CDHR5: variants seen among roughly 807,000 people sequenced by gnomAD.
CDHR5 encodes the protein cadherin-related family member 5.
A neutral mutation model predicts 69.5 loss-of-function variants in CDHR5; 82 were observed. The observed-to-expected ratio is 1.18, with a 90% confidence interval of 0.99 to 1.42. The LOEUF is 1.42. Among genes scored for constraint, CDHR5 ranks in the 40% most tolerant of loss-of-function variants. The probability of loss-of-function intolerance (pLI) is 0.00; values close to 1 mark genes in which losing one functional copy is unlikely to be tolerated. For synonymous variants in CDHR5, 601 were observed against 510.2 expected, an observed-to-expected ratio of 1.18 and a Z score of -2.40; for missense variants, 1,293 against 1,168.9, an observed-to-expected ratio of 1.11 and a Z score of -1.55.
In CDHR5 at chr11:619,564, A is replaced by T; in HGVS notation, c.1203T>A (p.Tyr401Ter). Reference sequence around the variant, plus strand: ...GGAAGTGTGAGTGGTTGGTAATTCGATATGTGATGGCCGAGTTGAGGTCCT... The same window carrying T: ...GGAAGTGTGAGTGGTTGGTAATTCGTTATGTGATGGCCGAGTTGAGGTCCT... ...EFSDLNSAIT[Y>*]RITNHSHFRM... Residue 401 changes from tyrosine to a stop codon, truncating the protein, a stop_gained, in exon 11 of 15, where the codon TAT (tyrosine) becomes TAA (stop). Coordinates refer to ENST00000397542, the MANE Select transcript of CDHR5 (RefSeq NM_021924.5). LOFTEE classifies it high-confidence loss of function. 6.2e-7 allele frequency: 1 copy of T among 1,613,800 alleles called. No individual in the cohort carries two copies. The highest frequency in any genetic ancestry group is 8.5e-7 in the Non-Finnish European group (1 of 1,179,868).
chr11:621,237 TCCC>T lies in CDHR5; in HGVS notation c.629_631del (p.Gly210del). 6.3e-7 allele frequency: 1 copy of T among 1,594,086 alleles called. No individual in the cohort carries two copies. Among genetic ancestry groups the T allele is most frequent in the Non-Finnish European group, 8.6e-7 (1 of 1,167,976 alleles). ...GGCAGTGTGGCTGGGTTCCACATTCTCCCCCGGAGTGTCCTGCAACAGACGGCT... is the reference window on the plus strand; with the variant it reads ...GGCAGTGTGGCTGGGTTCCACATTCTCCGGAGTGTCCTGCAACAGACGGCT... On this transcript the variant is annotated inframe_deletion, in exon 7 of 15. Transcript: ENST00000397542. This position sits in a 1 kb window ranked among gnomAD's most constrained non-coding sequence, Gnocchi z 4.4.
intron 9 of CDHR5, 73 bp downstream of exon 9, chr11:619,994 C>A (rs543539928): frequency 8.0e-7 from 1 of 1,256,434 alleles, no homozygotes; most frequent in African/African-American, 1.5e-5. Flanking sequence ...CCCCGGCCCC[C>A]CAGCCCTGAC....
In CDHR5 at chr11:618,074, C is replaced by G. The variant is rs371539735; in HGVS notation, c.1998G>C (p.Val666=). ...GCACCCCGCCCAGGGCCGCCATATC[C>G]ACCACCGAGAAGCGCTTGTCCTCCG... ...GPSEDKRFSV[V]DMAALGGVLG... The change falls in exon 14 of 15, where the codon GTG becomes GTC. Residue 666 remains valine, a synonymous_variant. Transcript: ENST00000397542. The G allele has an allele frequency of 4.3e-5, 70 of 1,610,078 alleles. No individual in the cohort carries two copies. The highest frequency in any genetic ancestry group is 5.2e-5 in the Non-Finnish European group (61 of 1,178,772).
At chr11:622,095 C>A in intron 3 of CDHR5, among the ~76,000 whole-genome samples, 191 bp from the exon 4 acceptor site, 1 of 151,150 alleles carries the variant, frequency 6.6e-6, no homozygotes, top group Non-Finnish European at 1.5e-5. Flanking sequence ...AACGGCCACC[C>A]GTCCCCGCCG....
Position 619,683 on chromosome 11 carries a change from A to T in CDHR5, c.1177T>A (p.Ser393Thr), listed in dbSNP as rs1857240769. The change falls in exon 10 of 15, where the codon TCG becomes ACG. Residue 393 changes from serine (S) to threonine (T), a missense_variant and splice_region_variant. Coordinates refer to ENST00000397542, the MANE Select transcript of CDHR5 (RefSeq NM_021924.5). ...GAGGCCTTGGATGCACTCTCTACCG[A>T]GAACTCCGGGTCCTGAGCCTGGATC... ...LRIQAQDPEF[S>T]DLNSAITYRI... The T allele has an allele frequency of 1.2e-6, 2 of 1,613,252 alleles. No individual in the cohort carries two copies. The highest frequency in any genetic ancestry group is 4.5e-5 in the East Asian group (2 of 44,870).
rs1857179261 is a variant in CDHR5 at position 619,002 on chromosome 11, C to T, written c.1557G>A (p.Gly519=). 1.9e-6 allele frequency: 3 copies of T among 1,613,244 alleles called. No individual in the cohort carries two copies. Among genetic ancestry groups the T allele is most frequent in the Admixed American group, 1.7e-5 (1 of 59,946 alleles). Residue 519 remains glycine, a synonymous_variant, in exon 13 of 15, where the codon GGG becomes GGA. Transcript: ENST00000397542. ...TGCTGTTTTCTGCACCCGGGGGCCC[C>T]CCGGGTGTGGACGAGGTTGGTGGCC... ...TLRPPTSSTP[G]GPPGAENSTS...
rs1857188663 is a variant in CDHR5, at chr11:619,098, G to A, written c.1461C>T (p.Pro487=). 6.2e-7 allele frequency: 1 copy of A among 1,608,250 alleles called. No individual in the cohort carries two copies. Among genetic ancestry groups the A allele is most frequent in the South Asian group, 1.1e-5 (1 of 90,922 alleles). The change falls in exon 13 of 15, where the codon CCC becomes CCT. Residue 487 remains proline, a synonymous_variant. Transcript: ENST00000397542. ...TTSEVPRPPE[P]SQGPSTTSSG... is the part of the protein sequence containing the mutation. ...AGCTGGTCGTGGAGGGTCCCTGGGA[G>A]GGCTCAGGGGGTCTGGGGACCTCGG... is the stretch of plus-strand genomic sequence containing the variant.
At chr11:622,421 CTG>C (rs1283883773) in intron 3 of CDHR5, among the ~76,000 whole-genome samples, 2 of 146,678 alleles carry the variant, frequency 1.4e-5, no homozygotes, top group Admixed American at 6.8e-5. Context: ...TTTCTTTTCT[CTG>C]TTTTTTTTTT....
At chr11:620,728 G>T (rs1175974388) in intron 7 of CDHR5, among the ~76,000 whole-genome samples, 1 of 152,168 alleles carries the variant, frequency 6.6e-6, no homozygotes, top group Non-Finnish European at 1.5e-5. Flanking sequence ...AGGTGCCTTG[G>T]TGCCAGGAAG....
chr11:623,080 G>A (rs953463382), intron 3 of CDHR5, among the ~76,000 whole-genome samples: 32 of 152,034 alleles, frequency 2.1e-4, no homozygotes, highest in East Asian at 9.8e-4. Context: ...AGGCCGAGGC[G>A]GGCAGATCAC....
chr11:619,337 T>C lies in CDHR5; in HGVS notation c.1347A>G (p.Ile449Met). The change falls in exon 12 of 15, where the codon ATA becomes ATG. Residue 449 changes from isoleucine to methionine, a missense_variant. By Grantham distance (10) the Ile-to-Met change is conservative. Transcript: ENST00000397542. ...TSGTATTVIEIQVSEQEPPST... is the reference protein window; with the variant it reads ...TSGTATTVIEMQVSEQEPPST... ...AGGGGGGCTCCTGTTCGGAAACTTG[T>C]ATCTCAATGACTGTGGTTGCGGTGC... is the stretch of plus-strand genomic sequence containing the variant. 2 of 1,613,430 alleles carry C rather than the reference T, an allele frequency of 1.2e-6. No individual in the cohort carries two copies. Among genetic ancestry groups the C allele is most frequent in the Non-Finnish European group, 1.7e-6 (2 of 1,179,678 alleles).
chr11:618,398 A>G lies in CDHR5; in HGVS notation c.1960+201T>C, dbSNP rs74045072. ...GGAATCGTGGGATTCGCTGGACCCC[A>G]CATCTGGCCTCTGTCCTACACACAT... On this transcript the variant is annotated intron_variant, in intron 13 of 14. Transcript: ENST00000397542. Among the ~76,000 whole-genome samples, 381 of 152,272 alleles carry G rather than the reference A, an allele frequency of 2.5e-3. 4 individuals carry two copies. The highest frequency in any genetic ancestry group is 8.5e-3 in the African/African-American group (353 of 41,554).
At position 619,837 on chromosome 11, in the gene CDHR5, G is replaced by T; in HGVS notation, c.1023C>A (p.Thr341=). The T allele has an allele frequency of 6.4e-7, 1 of 1,566,738 alleles. No individual in the cohort carries two copies. Among genetic ancestry groups the T allele is most frequent in the East Asian group, 2.4e-5 (1 of 42,466 alleles). Residue 341 remains threonine (T), a synonymous_variant, in exon 10 of 15, where the codon ACC becomes ACA. Transcript: ENST00000397542. The stretch of plus-strand genomic sequence containing the variant: ...TCCCGGCCGCAGCCACAGCCTCCAC[G>T]GTGACCTGGGTCACTGAGTAGCGGG... ...DLARYSVTQV[T]VEAVAAAGSP...
rs189733682 is a variant in CDHR5, at chr11:620,942, A to G, written c.789+138T>C. On this transcript the variant is annotated intron_variant, in intron 7 of 14. Transcript: ENST00000397542. The stretch of plus-strand genomic sequence containing the variant: ...GGGTTGGTTTACAAGGAGAGTCTGC[A>G]TTTGTTTCAAAATCACGACCGAAAT... 2.2e-3 allele frequency: 1,392 copies of G among 622,122 alleles called. 22 individuals are homozygous for G. In the African/African-American group the frequency reaches 0.023, roughly 10 times the overall value. 38.5% of individuals were successfully genotyped at this position (622,122 alleles called of 1,614,324 possible).
At chr11:619,248 G>A (rs1589936157) in intron 12 of CDHR5, 58 bp downstream of exon 12, 2 of 1,484,484 alleles carry the variant, frequency 1.3e-6, no homozygotes, top group Admixed American at 1.8e-5. Context: ...CGGGAAAGGA[G>A]CCACCGAAGG....
intron 3 of CDHR5, among the ~76,000 whole-genome samples, chr11:622,951 G>C (rs1857506503): frequency 6.6e-6 from 1 of 152,034 alleles, no homozygotes; most frequent in Non-Finnish European, 1.5e-5. Flanking sequence ...ATTCTCCTGA[G>C]TTTCTGTTCA....
chr11:619,200 C>T lies in CDHR5; in HGVS notation c.1379-20G>A, dbSNP rs745458381. On this transcript the variant is annotated intron_variant, in intron 12 of 14. Transcript: ENST00000397542. The stretch of plus-strand genomic sequence containing the variant: ...GGACATCTGGGGGCCGGGAACAGTG[C>T]TTGGGCTTGCCTCTGCCCGCCCCTT... 2 of 1,500,292 alleles carry T rather than the reference C, an allele frequency of 1.3e-6. No individual in the cohort carries two copies. Among genetic ancestry groups the T allele is most frequent in the Non-Finnish European group, 1.8e-6 (2 of 1,107,396 alleles). The allele number at this position is 1,500,292 out of a possible 1,614,324, so 92.9% of individuals were successfully genotyped here. A position where few individuals can be genotyped will look rare whatever the true frequency, so the allele number is the denominator to read the frequency against.
Position 620,366 on chromosome 11 carries a change from A to T in CDHR5, c.810T>A (p.Arg270=), listed in dbSNP as rs771324207. 2.5e-6 allele frequency: 4 copies of T among 1,609,734 alleles called. No individual in the cohort carries two copies. The South Asian group carries it at 4.4e-5, about 18-fold the overall frequency. The part of the protein sequence containing the change: ...GHILPSPLVL[R]PGPIYAEDGD... ...CGTCCTCAGCGTAGATGGGTCCGGGACGCAGGACGAGGGGAGATGGCTTCA... is the reference window on the plus strand; with the variant it reads ...CGTCCTCAGCGTAGATGGGTCCGGGTCGCAGGACGAGGGGAGATGGCTTCA... Residue 270 remains arginine (R), a synonymous_variant, in exon 8 of 15, where the codon CGT becomes CGA. Transcript: ENST00000397542.
chr11:620,873 C>T (rs1188573734), intron 7 of CDHR5, among the ~76,000 whole-genome samples: 2 of 152,160 alleles, frequency 1.3e-5, no homozygotes, highest in African/African-American at 4.8e-5. Context: ...CCACGCTCCT[C>T]CCTGTGTGTT....
Sources: gnomAD v4.1 joint callset for allele counts (sites outside exome capture counted in the v4.1 genomes callset) on GRCh38, gnomAD v4.1.1 for gene constraint, Gnocchi (gnomAD v3.1) non-coding constraint, MANE v1.5 for transcripts, NCBI Gene and HGNC (gene_info 2026-07-23, HGNC 2026-07-21) for gene names.